FNDC3A: variants seen among roughly 807,000 people sequenced by gnomAD.
The protein encoded by FNDC3A is fibronectin type III domain containing 3A, also known as fibronectin type-III domain-containing protein 3A.
FNDC3A carries 32 observed loss-of-function variants against 148.9 expected under a neutral mutation model. That is an observed-to-expected ratio of 0.21 (90% CI 0.16 to 0.29). FNDC3A has a LOEUF of 0.29. FNDC3A is among the 10% of genes least tolerant of loss of function. FNDC3A has a pLI of 1.00. For missense variants in FNDC3A, 1,191 were observed against 1,452.8 expected (o/e 0.82, Z 2.93); for synonymous variants, 472 against 473.6 (o/e 1.00, Z 0.04).
chr13:48,983,126 A>G (rs1389942589), intron 1 of FNDC3A, among the ~76,000 whole-genome samples: 1 of 152,088 alleles, frequency 6.6e-6, no homozygotes, highest in Non-Finnish European at 1.5e-5. Flanking sequence ...TGAATGTCAC[A>G]CTCCCTCCCC....
chr13:49,120,015 A>T (rs1287626118), intron 4 of FNDC3A, among the ~76,000 whole-genome samples: 2 of 152,186 alleles, frequency 1.3e-5, no homozygotes, highest in East Asian at 3.9e-4. Flanking sequence ...CCTTGAGAAG[A>T]GCAAACCCAA....
intron 4 of FNDC3A, among the ~76,000 whole-genome samples, chr13:49,121,364 A>G (rs1017223911): frequency 1.3e-5 from 2 of 152,250 alleles, no homozygotes; most frequent in African/African-American, 4.8e-5. Flanking sequence ...AGGGAAATTT[A>G]TAGCACTAAA....
rs535250658 is a variant in FNDC3A at position 49,094,360 on chromosome 13, A to G, written c.175+18996A>G. ...TCATTTTACTGAAAATATTTATAGA[A>G]TAACAAATTCAGCCATGGTAAGCAG... is the stretch of plus-strand genomic sequence containing the variant. On this transcript the variant is annotated intron_variant, in intron 3 of 25. Transcript: ENST00000492622. 1.1e-4 allele frequency among the ~76,000 whole-genome samples: 17 copies of G among 152,262 alleles called. No homozygotes were observed. In the East Asian group the frequency reaches 3.1e-3, roughly 28 times the overall value.
At chr13:49,116,785 CAA>C (rs55711716) in intron 4 of FNDC3A, among the ~76,000 whole-genome samples, 2 of 140,274 alleles carry the variant, frequency 1.4e-5, no homozygotes, top group Admixed American at 7.1e-5. Context: ...GACTCCGTCT[CAA>C]AAAAAAAAAA....
At position 49,018,263 on chromosome 13, in the gene FNDC3A, T is replaced by C. The variant is rs1382606464; in HGVS notation, c.99+11974T>C. On this transcript the variant is annotated intron_variant, in intron 2 of 25. Transcript: ENST00000492622. The stretch of plus-strand genomic sequence containing the variant: ...CCAATCAGACGTAGATTTGGTCTTT[T>C]CACATAGTCGCATATTTCTTGGAGG... Among the ~76,000 whole-genome samples, 9 of 152,198 alleles carry C rather than the reference T, an allele frequency of 5.9e-5. No individual in the cohort carries two copies. In the East Asian group the frequency reaches 1.7e-3, roughly 29 times the overall value.
At chr13:48,996,603 G>A (rs543666939) in intron 1 of FNDC3A, among the ~76,000 whole-genome samples, 9 of 152,290 alleles carry the variant, frequency 5.9e-5, no homozygotes, top group African/African-American at 1.9e-4. Flanking sequence ...ATTTATATAA[G>A]GAGCTTAAGG....
chr13:49,158,487 C>T (rs375443929), intron 8 of FNDC3A, among the ~76,000 whole-genome samples: 6 of 152,192 alleles, frequency 3.9e-5, no homozygotes, highest in African/African-American at 1.4e-4. Context: ...TCTTCTGCGT[C>T]GCTCACGCTG....
intron 25 of FNDC3A, among the ~76,000 whole-genome samples, chr13:49,206,474 T>C (rs190538109): frequency 6.6e-6 from 1 of 152,302 alleles, no homozygotes; most frequent in Non-Finnish European, 1.5e-5. Context: ...ATGGGTTAAT[T>C]ACTAGCACAT....
chr13:49,202,112 A>C, intron 24 of FNDC3A, 146 bp downstream of exon 24: 1 of 477,590 alleles, frequency 2.1e-6, no homozygotes, highest in Non-Finnish European at 3.6e-6. Flanking sequence ...GCCCAACTCT[A>C]CTGAGAGTTC....
chr13:49,134,712 T>C (rs1882227846), intron 5 of FNDC3A, among the ~76,000 whole-genome samples: 1 of 151,630 alleles, frequency 6.6e-6, no homozygotes, highest in Non-Finnish European at 1.5e-5. Flanking sequence ...AATTTCTCTC[T>C]CATTATGGTT....
intron 3 of FNDC3A, among the ~76,000 whole-genome samples, chr13:49,084,931 A>C (rs922405360): frequency 6.6e-6 from 1 of 152,062 alleles, no homozygotes; most frequent in Non-Finnish European, 1.5e-5. Context: ...TTCTGGGGGC[A>C]GTTATTGTCA....
rs150428176 is a variant in FNDC3A at position 49,011,141 on chromosome 13, A to G, written c.99+4852A>G. On this transcript the variant is annotated intron_variant, in intron 2 of 25. Coordinates refer to ENST00000492622, the MANE Select transcript of FNDC3A (RefSeq NM_001079673.2). ...TCAAACTGTTAATCAAACTGTTAAT[A>G]TATATTCTGGCCAAAAGTTCTTAGT... Among the ~76,000 whole-genome samples, 578 of 152,156 alleles carry G rather than the reference A, an allele frequency of 3.8e-3. 5 individuals carry two copies. The highest frequency in any genetic ancestry group is 0.013 in the African/African-American group (556 of 41,486).
At chr13:49,018,610 T>A (rs1449772690) in intron 2 of FNDC3A, among the ~76,000 whole-genome samples, 1 of 152,310 alleles carries the variant, frequency 6.6e-6, no homozygotes, top group Non-Finnish European at 1.5e-5. Flanking sequence ...CTCGTCAAAG[T>A]CATTCTCTGT....
intron 3 of FNDC3A, among the ~76,000 whole-genome samples, chr13:49,087,577 A>G (rs1878897274): frequency 6.6e-6 from 1 of 152,130 alleles, no homozygotes; most frequent in Non-Finnish European, 1.5e-5. Flanking sequence ...AAATGGAAAG[A>G]TTAGATAATT....
At chr13:49,186,473 AAAG>A (rs1885577166) in intron 15 of FNDC3A, among the ~76,000 whole-genome samples, 2 of 152,246 alleles carry the variant, frequency 1.3e-5, no homozygotes, top group Non-Finnish European at 2.9e-5. Context: ...ATGGAAAAAC[AAAG>A]ATCCCATAAA....
At chr13:49,036,660 G>A (rs1874516270) in intron 2 of FNDC3A, among the ~76,000 whole-genome samples, 1 of 152,206 alleles carries the variant, frequency 6.6e-6, no homozygotes, top group African/African-American at 2.4e-5. Context: ...TTGTGTTGTA[G>A]TGGAGGTGAC....
In FNDC3A at chr13:49,168,893, A is replaced by T. The variant is rs964222693; in HGVS notation, c.1176+142A>T. 6 of 760,028 alleles carry T rather than the reference A, an allele frequency of 7.9e-6. No homozygotes were observed. The South Asian group carries it at 1.1e-4, about 14-fold the overall frequency. The allele number at this position is 760,028 out of a possible 1,614,324, so 47.1% of individuals were successfully genotyped here. ...CATATAAGACACAAATGCCTATTTA[A>T]TGTATCTTAAAATAGCACTGTTACT... On this transcript the variant is annotated intron_variant, in intron 10 of 25. Coordinates refer to ENST00000492622, the MANE Select transcript of FNDC3A (RefSeq NM_001079673.2).
At chr13:49,200,664 A>C (rs2138135030) in intron 23 of FNDC3A, among the ~76,000 whole-genome samples, 1 of 152,204 alleles carries the variant, frequency 6.6e-6, no homozygotes, top group South Asian at 2.1e-4. Flanking sequence ...CTTCCAACTT[A>C]ATATTCAGCT....
chr13:49,121,540 A>G (rs1881342105), intron 4 of FNDC3A, among the ~76,000 whole-genome samples: 1 of 152,212 alleles, frequency 6.6e-6, no homozygotes. Flanking sequence ...ACCCTTCAAA[A>G]AAATCAATCA....
Sources: gnomAD v4.1 joint callset for allele counts (sites outside exome capture counted in the v4.1 genomes callset) on GRCh38, gnomAD v4.1.1 for gene constraint, MANE v1.5 for transcripts, NCBI Gene and HGNC (gene_info 2026-07-23, HGNC 2026-07-21) for gene names.